Variants in TANC2 observed in about 807,000 individuals in gnomAD.
TANC2 encodes the protein tetratricopeptide repeat, ankyrin repeat and coiled-coil containing 2.
Under a neutral mutation model 210.5 loss-of-function variants are expected in TANC2, and 26 were observed. The observed-to-expected ratio is 0.12, with a 90% CI of 0.09 to 0.17. The LOEUF is 0.17. Among genes scored for constraint, TANC2 ranks in the 10% least tolerant of loss-of-function variants. The pLI is 1.00. For missense variants in TANC2, 2,129 were observed against 2,608.9 expected, an observed-to-expected ratio of 0.82 and a Z score of 4.01; for synonymous variants, 931 against 967.1, an observed-to-expected ratio of 0.96 and a Z score of 0.69.
chr17:63,337,797 AGTT>A (rs577172197), intron 11 of TANC2, among the ~76,000 whole-genome samples: 5 of 152,018 alleles, frequency 3.3e-5, no homozygotes, highest in Non-Finnish European at 7.4e-5. Flanking sequence ...GGTAGGCCCC[AGTT>A]GTTGTTTCCC....
chr17:63,203,253 A>T (rs1598598622), intron 7 of TANC2, among the ~76,000 whole-genome samples: 1 of 152,300 alleles, frequency 6.6e-6, no homozygotes, highest in South Asian at 2.1e-4. Flanking sequence ...TAAGTTTTTT[A>T]AAATATAAAT....
chr17:63,102,120 A>G (rs1344055613), intron 4 of TANC2, among the ~76,000 whole-genome samples: 2 of 152,052 alleles, frequency 1.3e-5, no homozygotes, highest in Non-Finnish European at 2.9e-5. Context: ...GGACAACATA[A>G]TGAGACCTTG....
chr17:63,219,117 T>C (rs1002158176), intron 7 of TANC2, among the ~76,000 whole-genome samples: 1 of 152,082 alleles, frequency 6.6e-6, no homozygotes, highest in Non-Finnish European at 1.5e-5. Flanking sequence ...AACAAAGATA[T>C]GTGGGAAAAT....
At chr17:63,326,728 AAACAAC>A (rs371073434) in intron 11 of TANC2, among the ~76,000 whole-genome samples, 119 of 152,020 alleles carry the variant, frequency 7.8e-4, no homozygotes, top group African/African-American at 2.7e-3. Context: ...AGACTGTCAA[AAACAAC>A]AACAACAACA....
chr17:63,073,512 CG>C (rs1303356576), intron 2 of TANC2, among the ~76,000 whole-genome samples: 3 of 151,940 alleles, frequency 2.0e-5, no homozygotes, highest in African/African-American at 4.8e-5. Context: ...ATAAAACATA[CG>C]AATGTAATTC....
At chr17:63,257,619 C>A (rs2043233879) in intron 8 of TANC2, among the ~76,000 whole-genome samples, 1 of 152,206 alleles carries the variant, frequency 6.6e-6, no homozygotes, top group Non-Finnish European at 1.5e-5. Context: ...CCTGGCCTCC[C>A]AAAGTGCTGG....
rs1463411033 is a variant in TANC2, at chr17:63,190,979, A to G, written c.434-3012A>G. 2.0e-5 allele frequency among the ~76,000 whole-genome samples: 3 copies of G among 151,920 alleles called. No homozygotes were observed. In the South Asian group the frequency reaches 6.2e-4, roughly 32 times the overall value. On this transcript the variant is annotated intron_variant, in intron 5 of 27. Coordinates refer to ENST00000689528, the Ensembl canonical transcript of TANC2. ...CTTTTAGTGATCTTCAAATGGCCCTATTGTTAATTGTAATGAGGGGGAAAA... is the reference window on the plus strand; with the variant it reads ...CTTTTAGTGATCTTCAAATGGCCCTGTTGTTAATTGTAATGAGGGGGAAAA...
chr17:63,253,845 C>T (rs773112256), intron 8 of TANC2, among the ~76,000 whole-genome samples: 2 of 152,066 alleles, frequency 1.3e-5, no homozygotes, highest in Non-Finnish European at 2.9e-5. Flanking sequence ...GACAGGTTTT[C>T]ACCATGTTAT....
In TANC2 at chr17:63,412,125, A is replaced by G. The variant is rs770916010; in HGVS notation, c.3893A>G (p.Lys1298Arg). ...GTCACTCTTCTGAAGAAAGGAGCCA[A>G]GATAGGTAGGAGAAGGGAAGAGGAT... The change falls in exon 23 of 28, where the codon AAG becomes AGG. Residue 1298 changes from lysine to arginine, a missense_variant. Coordinates refer to ENST00000689528, the Ensembl canonical transcript of TANC2. The surrounding 1 kb of genome is among the most constrained non-coding windows in gnomAD (Gnocchi z 4.2). 6 of 1,613,892 alleles carry G rather than the reference A, an allele frequency of 3.7e-6. No individual in the cohort carries two copies. Among genetic ancestry groups the G allele is most frequent in the Non-Finnish European group, 5.1e-6 (6 of 1,179,894 alleles).
chr17:63,044,804 T>G (rs562107581), intron 2 of TANC2, among the ~76,000 whole-genome samples: 125 of 152,330 alleles, frequency 8.2e-4, no homozygotes, highest in African/African-American at 2.9e-3. Context: ...TGATTTAATT[T>G]GTTTCCTTAA....
intron 9 of TANC2, among the ~76,000 whole-genome samples, chr17:63,297,954 T>C (rs1454986151): frequency 6.6e-6 from 1 of 152,110 alleles, no homozygotes; most frequent in Non-Finnish European, 1.5e-5. Context: ...TATGAAAAGA[T>C]GTTCAACATC....
Position 63,065,974 on chromosome 17 carries a change from C to T in TANC2, c.68-7969C>T, listed in dbSNP as rs573313321. Reference sequence around the variant, plus strand: ...GGGTGACAGATTGCACCCAGTGGTGCGATCATGGCTCACTGCAGTCTTGAC... The same window carrying T: ...GGGTGACAGATTGCACCCAGTGGTGTGATCATGGCTCACTGCAGTCTTGAC... On this transcript the variant is annotated intron_variant, in intron 2 of 27. Coordinates refer to ENST00000689528, the Ensembl canonical transcript of TANC2. Among the ~76,000 whole-genome samples the T allele has an allele frequency of 4.7e-3, 709 of 152,152 alleles. 5 individuals carry two copies. The highest frequency in any genetic ancestry group is 0.017 in the African/African-American group (685 of 41,504).
At chr17:63,132,969 G>T (rs570673308) in intron 4 of TANC2, among the ~76,000 whole-genome samples, 73 of 151,740 alleles carry the variant, frequency 4.8e-4, no homozygotes, top group African/African-American at 8.0e-4. Flanking sequence ...AGTAGCAGGG[G>T]TTTTTTTTGT....
At chr17:63,178,669 T>C (rs952642740) in intron 5 of TANC2, among the ~76,000 whole-genome samples, 1 of 152,254 alleles carries the variant, frequency 6.6e-6, no homozygotes, top group Non-Finnish European at 1.5e-5. Context: ...GTTTATTTGA[T>C]TAAATATGGC....
chr17:63,098,182 TA>T (rs2037460150), intron 3 of TANC2, among the ~76,000 whole-genome samples: 1 of 152,146 alleles, frequency 6.6e-6, no homozygotes, highest in South Asian at 2.1e-4. Context: ...ATCAATTATA[TA>T]AATAATTTGA....
chr17:63,063,570 GTGTGT>G (rs756177809), intron 2 of TANC2, among the ~76,000 whole-genome samples: 2,897 of 118,728 alleles, frequency 0.024, 70 homozygotes, highest in African/African-American at 0.034. Context: ...GTGTGTGTGT[GTGTGT>G]AGATATATCT....
At chr17:63,125,228 C>T (rs1441103478) in intron 4 of TANC2, 1 of 152,162 alleles carries the variant, frequency 6.6e-6, no homozygotes, top group Admixed American at 6.5e-5. Context: ...AGTATAACAA[C>T]TCCCTTAGGA....
intron 14 of TANC2, among the ~76,000 whole-genome samples, chr17:63,358,376 A>AGAGAGAGT (rs1470682571): frequency 4.9e-5 from 4 of 81,046 alleles, no homozygotes; most frequent in African/African-American, 1.5e-4. Flanking sequence ...AGAGAGAGAG[A>AGAGAGAGT]GTATGTGTGT....
chr17:63,395,447 A>T (rs974346772), intron 17 of TANC2, among the ~76,000 whole-genome samples: 1 of 152,200 alleles, frequency 6.6e-6, no homozygotes, highest in Non-Finnish European at 1.5e-5. Flanking sequence ...AGAAGAATTT[A>T]CCTCAGGAAG....
Sources: allele counts gnomAD v4.1 joint callset (sites outside exome capture counted in the v4.1 genomes callset), GRCh38; gene constraint gnomAD v4.1.1; non-coding constraint Gnocchi (gnomAD v3.1); transcripts MANE v1.5; gene names NCBI Gene and HGNC (gene_info 2026-07-23, HGNC 2026-07-21).